SIRT1: variants seen among roughly 807,000 people sequenced by gnomAD.
The protein encoded by SIRT1 is NAD-dependent protein deacetylase sirtuin-1.
SIRT1 carries 24 observed loss-of-function variants against 67.9 expected under a neutral mutation model. That is an observed-to-expected ratio of 0.35 (90% CI 0.26 to 0.50). The LOEUF (loss-of-function observed/expected upper bound fraction) is 0.50, where lower values mean the gene tolerates loss of function less well. SIRT1 is among the 20% of genes least tolerant of loss of function. The pLI is 0.98. For missense variants in SIRT1, 873 were observed against 937.2 expected (o/e 0.93, Z 0.89); for synonymous variants, 378 against 350.7 (o/e 1.08, Z -0.87).
chr10:67,904,519 A>G (rs1317117685), intron 4 of SIRT1, among the ~76,000 whole-genome samples: 2 of 152,160 alleles, frequency 1.3e-5, no homozygotes, highest in Non-Finnish European at 2.9e-5. Context: ...GTATGAGTCA[A>G]AGACTCAAAT....
chr10:67,893,978 A>T (rs931368624), intron 4 of SIRT1, among the ~76,000 whole-genome samples: 3 of 147,950 alleles, frequency 2.0e-5, no homozygotes, highest in African/African-American at 5.2e-5. Flanking sequence ...GACTGTCTTT[A>T]AAAAAAAAGT....
Position 67,916,718 on chromosome 10 carries a change from G to A in SIRT1, c.*125G>A. 1 of 628,828 alleles carries A rather than the reference G, an allele frequency of 1.6e-6. No homozygotes were observed. Among genetic ancestry groups the A allele is most frequent in the Non-Finnish European group, 2.5e-6 (1 of 402,530 alleles). The allele number at this position is 628,828 out of a possible 1,614,324, so 39.0% of individuals were successfully genotyped here. On this transcript the variant is annotated 3_prime_UTR_variant, in exon 9 of 9. Coordinates refer to ENST00000212015, the MANE Select transcript of SIRT1 (RefSeq NM_012238.5). ...CAGAAAGGTGTAATATTTATAGGTT[G>A]GTAAAATAGATTGTTTTTCATGGAT...
chr10:67,908,090 G>A lies in SIRT1; in HGVS notation c.1135G>A (p.Asp379Asn). The A allele has an allele frequency of 6.2e-7, 1 of 1,613,576 alleles. No individual in the cohort carries two copies. Among genetic ancestry groups the A allele is most frequent in the Non-Finnish European group, 8.5e-7 (1 of 1,179,796 alleles). ...TTGCCTGATTTGTAAATACAAAGTTGACTGTGAAGCTGTACGAGGAGATAT... is the reference window on the plus strand; with the variant it reads ...TTGCCTGATTTGTAAATACAAAGTTAACTGTGAAGCTGTACGAGGAGATAT... ...ASCLICKYKV[D>N]CEAVRGDIFN... The change falls in exon 6 of 9, where the codon GAC becomes AAC. Residue 379 changes from aspartate (D) to asparagine (N), a missense_variant. Transcript: ENST00000212015.
chr10:67,905,183 A>G lies in SIRT1; in HGVS notation c.943-1607A>G, dbSNP rs527780269. Among the ~76,000 whole-genome samples, 3 of 152,332 alleles carry G rather than the reference A, an allele frequency of 2.0e-5. No individual in the cohort carries two copies. In the East Asian group the frequency reaches 5.8e-4, roughly 29 times the overall value. ...TCTCATAGTGCCTAAAATACTCTAA[A>G]AGCTATTTCCAGAGGGAGCTTTAAT... On this transcript the variant is annotated intron_variant, in intron 4 of 8. Coordinates refer to ENST00000212015, the MANE Select transcript of SIRT1 (RefSeq NM_012238.5).
At chr10:67,903,550 A>AT (rs1248857670) in intron 4 of SIRT1, among the ~76,000 whole-genome samples, 6 of 150,790 alleles carry the variant, frequency 4.0e-5, no homozygotes, top group Non-Finnish European at 7.4e-5. Flanking sequence ...TGCCCAGCTA[A>AT]TTTTTTTTTG....
At chr10:67,887,619 G>A (rs1274032065) in intron 2 of SIRT1, 86 bp downstream of exon 2, 1 of 872,018 alleles carries the variant, frequency 1.1e-6, no homozygotes, top group East Asian at 2.7e-5. Context: ...TCTTGTTGCG[G>A]AGGCTGGAGT....
At chr10:67,907,504 A>G (rs987201504) in intron 5 of SIRT1, among the ~76,000 whole-genome samples, 1 of 148,290 alleles carries the variant, frequency 6.7e-6, no homozygotes, top group African/African-American at 2.5e-5. Context: ...AAAAAAAAAA[A>G]AAAAGAAAAA....
intron 5 of SIRT1, among the ~76,000 whole-genome samples, chr10:67,907,527 A>G (rs1482245225): frequency 1.2e-4 from 18 of 151,846 alleles, no homozygotes; most frequent in Admixed American, 1.2e-3. Context: ...AATTCTGAAT[A>G]CAAGAGTAGT....
intron 4 of SIRT1, among the ~76,000 whole-genome samples, chr10:67,904,426 C>T (rs991759514): frequency 1.3e-5 from 2 of 151,950 alleles, no homozygotes; most frequent in African/African-American, 2.4e-5. Flanking sequence ...TGTGAGCCAC[C>T]ACACCTGTAC....
At chr10:67,893,968 G>A (rs376322985) in intron 4 of SIRT1, among the ~76,000 whole-genome samples, 3 of 152,060 alleles carry the variant, frequency 2.0e-5, no homozygotes, top group South Asian at 4.1e-4. Context: ...TTAAATTGGC[G>A]ACTGTCTTTA....
At chr10:67,894,845 G>A (rs1327335842) in intron 4 of SIRT1, among the ~76,000 whole-genome samples, 1 of 152,094 alleles carries the variant, frequency 6.6e-6, no homozygotes, top group Non-Finnish European at 1.5e-5. Flanking sequence ...AAGTAGCTGG[G>A]ACTACAGGCA....
intron 4 of SIRT1, among the ~76,000 whole-genome samples, chr10:67,896,253 C>T (rs1842656437): frequency 6.6e-6 from 1 of 152,172 alleles, no homozygotes; most frequent in African/African-American, 2.4e-5. Flanking sequence ...CTGCCTGAGC[C>T]TCCTGAGTAG....
chr10:67,895,651 A>T (rs1178962319), intron 4 of SIRT1, among the ~76,000 whole-genome samples: 1 of 148,392 alleles, frequency 6.7e-6, no homozygotes, highest in Non-Finnish European at 1.5e-5. Context: ...AGAAGGAAAG[A>T]GAGACTTTCT....
At chr10:67,894,773 G>A (rs1190890823) in intron 4 of SIRT1, among the ~76,000 whole-genome samples, 3 of 152,048 alleles carry the variant, frequency 2.0e-5, no homozygotes, top group Non-Finnish European at 2.9e-5. Context: ...GCATTGGCGC[G>A]ATCTCGGCTC....
rs889600713 is a variant in SIRT1, at chr10:67,917,174, G to A, written c.*581G>A. ...TGACATGCAGTGTGAGTAGAAGGAA[G>A]TCAACAATATGTGGGGAGAGCACTC... On this transcript the variant is annotated 3_prime_UTR_variant, in exon 9 of 9. Coordinates refer to ENST00000212015, the MANE Select transcript of SIRT1 (RefSeq NM_012238.5). 1 of 152,614 alleles carries A rather than the reference G, an allele frequency of 6.6e-6. No homozygotes were observed. Among genetic ancestry groups the A allele is most frequent in the Non-Finnish European group, 1.5e-5 (1 of 68,028 alleles). The allele number at this position is 152,614 out of a possible 1,614,324, so 9.5% of individuals were successfully genotyped here. A position where few individuals can be genotyped will look rare whatever the true frequency, so the allele number is the denominator to read the frequency against.
chr10:67,886,426 C>A (rs953985562), intron 1 of SIRT1, among the ~76,000 whole-genome samples: 3 of 151,836 alleles, frequency 2.0e-5, no homozygotes, highest in African/African-American at 7.3e-5. Flanking sequence ...GACCTCCTCT[C>A]TACTAAAAGT....
rs1842446676 is a variant in SIRT1, at chr10:67,884,715, T to A, written c.-7T>A. 8.1e-7 allele frequency: 1 copy of A among 1,228,446 alleles called. No individual in the cohort carries two copies. The highest frequency in any genetic ancestry group is 1.0e-6 in the Non-Finnish European group (1 of 986,006). The allele number at this position is 1,228,446 out of a possible 1,614,324, so 76.1% of individuals were successfully genotyped here. On this transcript the variant is annotated 5_prime_UTR_variant, in exon 1 of 9. It adds an upstream start codon to the 5' untranslated region. Coordinates refer to ENST00000212015, the MANE Select transcript of SIRT1 (RefSeq NM_012238.5). ...CGAGGGAGGAGGGCCAGAGAGGCAG[T>A]TGGAAGATGGCGGACGAGGCGGCCC...
In SIRT1 at chr10:67,912,768, T is replaced by C. The variant is rs1235780462; in HGVS notation, c.1652T>C (p.Val551Ala). Residue 551 changes from valine (V) to alanine (A), a missense_variant, in exon 8 of 9, where the codon GTG becomes GCG. Physicochemically the swap from Val to Ala is moderately conservative, Grantham distance 64. This residue lies in a region of SIRT1 where 295 missense variants were observed against 294.5 expected (regional missense o/e 1.00). Coordinates refer to ENST00000212015, the MANE Select transcript of SIRT1 (RefSeq NM_012238.5). ...AGAACTTCACCACCAGATTCTTCAG[T>C]GATTGTCACACTTTTAGACCAAGCA... The part of the protein sequence containing the change: ...PERTSPPDSS[V>A]IVTLLDQAAK... The C allele has an allele frequency of 6.2e-7, 1 of 1,614,130 alleles. No homozygotes were observed. Among genetic ancestry groups the C allele is most frequent in the South Asian group, 1.1e-5 (1 of 91,082 alleles).
At position 67,901,714 on chromosome 10, in the gene SIRT1, G is replaced by C. The variant is rs980935876; in HGVS notation, c.943-5076G>C. ...CAGTTTAACTAATTGACATTCTCTT[G>C]TGTTAGGTTAATACAGGGGTTGGCG... is the stretch of plus-strand genomic sequence containing the variant. On this transcript the variant is annotated intron_variant, in intron 4 of 8. Coordinates refer to ENST00000212015, the MANE Select transcript of SIRT1 (RefSeq NM_012238.5). Among the ~76,000 whole-genome samples, 3 of 152,360 alleles carry C rather than the reference G, an allele frequency of 2.0e-5. No homozygotes were observed. In the East Asian group the frequency reaches 5.8e-4, roughly 29 times the overall value.
Sources: allele counts gnomAD v4.1 joint callset (sites outside exome capture counted in the v4.1 genomes callset), GRCh38; gene constraint gnomAD v4.1.1; regional missense constraint gnomAD v4.1.1; transcripts MANE v1.5; gene names NCBI Gene and HGNC (gene_info 2026-07-23, HGNC 2026-07-21).